CBFA2T2: variants seen among roughly 807,000 people sequenced by gnomAD.
The protein encoded by CBFA2T2 is protein CBFA2T2.
In CBFA2T2, 11 loss-of-function variants were observed where a neutral mutation model predicts 62.2. The ratio of observed to expected loss-of-function variants is 0.18; its 90% CI spans 0.11 to 0.29. The LOEUF (loss-of-function observed/expected upper bound fraction) is 0.29, where lower values mean the gene tolerates loss of function less well. Ranked by LOEUF, CBFA2T2 falls within the 10% of genes least tolerant of loss-of-function variation. CBFA2T2 has a pLI of 1.00. For missense variants in CBFA2T2, 592 were observed against 774.1 expected, an observed-to-expected ratio of 0.76 and a Z score of 2.79; for synonymous variants, 295 against 287.5, an observed-to-expected ratio of 1.03 and a Z score of -0.27.
chr20:33,619,283 G>T (rs1014748757), intron 3 of CBFA2T2, among the ~76,000 whole-genome samples: 1 of 152,098 alleles, frequency 6.6e-6, no homozygotes, highest in Non-Finnish European at 1.5e-5. Flanking sequence ...ACTTTAGGAG[G>T]CCGAGGCGGG....
rs538355088 is a variant in CBFA2T2, at chr20:33,524,494, G to A, written c.34+34193G>A. On this transcript the variant is annotated intron_variant, in intron 1 of 10. Transcript: ENST00000342704. Reference sequence around the variant, plus strand: ...TTGAGTGATTTATGACATTTCTCCCGCTTTGTAGTTGTTTTTCTTGGAACT... The same window carrying A: ...TTGAGTGATTTATGACATTTCTCCCACTTTGTAGTTGTTTTTCTTGGAACT... 1.1e-4 allele frequency among the ~76,000 whole-genome samples: 17 copies of A among 152,052 alleles called. No individual in the cohort carries two copies. The East Asian group carries it at 1.2e-3, about 10-fold the overall frequency.
chr20:33,557,411 G>T (rs1209619140), intron 1 of CBFA2T2, among the ~76,000 whole-genome samples: 1 of 152,156 alleles, frequency 6.6e-6, no homozygotes. Flanking sequence ...ATCAAGATCT[G>T]GGTGTTCATT....
intron 1 of CBFA2T2, among the ~76,000 whole-genome samples, chr20:33,495,872 T>C (rs1249421780): frequency 6.6e-6 from 1 of 152,194 alleles, no homozygotes; most frequent in Non-Finnish European, 1.5e-5. Flanking sequence ...ATAAAATTTC[T>C]ACCCCATTTG....
chr20:33,529,309 GC>G (rs2011977484), intron 1 of CBFA2T2, among the ~76,000 whole-genome samples: 1 of 152,118 alleles, frequency 6.6e-6, no homozygotes, highest in South Asian at 2.1e-4. Context: ...ACAGGCGTGA[GC>G]CACCGCGCCC....
chr20:33,582,453 A>G (rs1156780902), intron 1 of CBFA2T2, among the ~76,000 whole-genome samples: 1 of 151,162 alleles, frequency 6.6e-6, no homozygotes, highest in Non-Finnish European at 1.5e-5. Flanking sequence ...ACGCCATTGC[A>G]CTCCAGCCTG....
intron 1 of CBFA2T2, among the ~76,000 whole-genome samples, chr20:33,510,014 C>A (rs1008039005): frequency 2.6e-5 from 4 of 151,836 alleles, no homozygotes; most frequent in African/African-American, 7.3e-5. Context: ...TGTTGCCTGC[C>A]CTGTGTCCAA....
At chr20:33,598,136 A>G (rs894318250) in intron 1 of CBFA2T2, among the ~76,000 whole-genome samples, 4 of 152,308 alleles carry the variant, frequency 2.6e-5, no homozygotes, top group Admixed American at 2.0e-4. Context: ...AGATCACAGG[A>G]CCACAGGACC....
chr20:33,493,559 C>A (rs2011165290), intron 1 of CBFA2T2, among the ~76,000 whole-genome samples: 1 of 152,054 alleles, frequency 6.6e-6, no homozygotes, highest in South Asian at 2.1e-4. Flanking sequence ...GTTCTGCTGC[C>A]CAGTGAGCAT....
At chr20:33,564,696 T>A (rs911355978) in intron 1 of CBFA2T2, among the ~76,000 whole-genome samples, 1 of 152,024 alleles carries the variant, frequency 6.6e-6, no homozygotes, top group African/African-American at 2.4e-5. Context: ...CCTCCCACCC[T>A]GGCCTCCTGA....
At chr20:33,563,479 A>G (rs1160074406) in intron 1 of CBFA2T2, among the ~76,000 whole-genome samples, 2 of 152,138 alleles carry the variant, frequency 1.3e-5, no homozygotes, top group African/African-American at 4.8e-5. Flanking sequence ...AAGTGTTGGG[A>G]TTGCAGGCAT....
At chr20:33,587,781 T>C (rs1253228577) in intron 1 of CBFA2T2, among the ~76,000 whole-genome samples, 2 of 152,254 alleles carry the variant, frequency 1.3e-5, no homozygotes, top group Non-Finnish European at 2.9e-5. Context: ...AATTGAATTA[T>C]TTCACATGTA....
chr20:33,583,720 C>T (rs1299890338), intron 1 of CBFA2T2, among the ~76,000 whole-genome samples: 1 of 152,160 alleles, frequency 6.6e-6, no homozygotes, highest in African/African-American at 2.4e-5. Flanking sequence ...CAGATGCTGT[C>T]TACAGGGTGT....
At chr20:33,563,771 T>A (rs1349723629) in intron 1 of CBFA2T2, among the ~76,000 whole-genome samples, 1 of 152,148 alleles carries the variant, frequency 6.6e-6, no homozygotes, top group Non-Finnish European at 1.5e-5. Flanking sequence ...GATGTTCACT[T>A]TTTTTGCTGC....
intron 7 of CBFA2T2, 96 bp from the exon 8 acceptor site, chr20:33,629,623 G>A (rs981790097): frequency 2.6e-5 from 29 of 1,107,232 alleles, no homozygotes; most frequent in Non-Finnish European, 3.1e-5. Context: ...TGTACTTTAA[G>A]GAACCTGAAT....
At chr20:33,595,847 C>G (rs751510459) in intron 1 of CBFA2T2, among the ~76,000 whole-genome samples, 1 of 152,162 alleles carries the variant, frequency 6.6e-6, no homozygotes, top group Non-Finnish European at 1.5e-5. Context: ...GCCTACAGCA[C>G]TTTTTAATCT....
chr20:33,560,061 A>T (rs1171349691), intron 1 of CBFA2T2, among the ~76,000 whole-genome samples: 1 of 152,200 alleles, frequency 6.6e-6, no homozygotes, highest in Non-Finnish European at 1.5e-5. Flanking sequence ...CTTTTTAAAT[A>T]ACAGTATTTA....
At chr20:33,551,533 C>G (rs2012742003) in intron 1 of CBFA2T2, among the ~76,000 whole-genome samples, 1 of 150,278 alleles carries the variant, frequency 6.7e-6, no homozygotes, top group South Asian at 2.1e-4. Flanking sequence ...TTTGTTCCAT[C>G]AATGTTTTGT....
rs1568823644 is a variant in CBFA2T2 at position 33,567,938 on chromosome 20, T to C, written c.35-39018T>C. 2.0e-5 allele frequency among the ~76,000 whole-genome samples: 3 copies of C among 152,292 alleles called. No homozygotes were observed. In the South Asian group the frequency reaches 6.2e-4, roughly 32 times the overall value. The stretch of plus-strand genomic sequence containing the variant: ...TGTATAGGAGAAAACATAGTATATA[T>C]AGGGTTTGGTACTGTCTGGGGTTTC... On this transcript the variant is annotated intron_variant, in intron 1 of 10. Transcript: ENST00000342704.
chr20:33,606,306 C>T (rs2015337052), intron 1 of CBFA2T2, among the ~76,000 whole-genome samples: 1 of 152,192 alleles, frequency 6.6e-6, no homozygotes, highest in African/African-American at 2.4e-5. Context: ...TTCTCAGCCA[C>T]TATCTAAAGA....
Sources: allele counts gnomAD v4.1 joint callset (sites outside exome capture counted in the v4.1 genomes callset), GRCh38; gene constraint gnomAD v4.1.1; transcripts MANE v1.5; gene names NCBI Gene and HGNC (gene_info 2026-07-23, HGNC 2026-07-21).